MAD2L2: variants seen among roughly 807,000 people sequenced by gnomAD.
The protein encoded by MAD2L2 is mitotic spindle assembly checkpoint protein MAD2B.
Under a neutral mutation model 30.5 loss-of-function variants are expected in MAD2L2, and 17 were observed. The ratio of observed to expected loss-of-function variants is 0.56; its 90% confidence interval spans 0.38 to 0.84. The LOEUF (loss-of-function observed/expected upper bound fraction) is 0.84. MAD2L2 is among the 40% of genes least tolerant of loss of function. The pLI is 0.00. For synonymous variants in MAD2L2, 101 were observed against 113.9 expected, an observed-to-expected ratio of 0.89 and a Z score of 0.72; for missense variants, 213 against 277.4, an observed-to-expected ratio of 0.77 and a Z score of 1.65.
chr1:11,674,821 C>T lies in MAD2L2; in HGVS notation c.595-5G>A, dbSNP rs373556198. ...CTCTTCCACGTAAAGCTGCATCTGA[C>T]GGACACAAGCAAACAGCCACAGTCA... On this transcript the variant is annotated splice_polypyrimidine_tract_variant and splice_region_variant and intron_variant, in intron 8 of 8. Coordinates refer to ENST00000376692, the MANE Select transcript of MAD2L2 (RefSeq NM_006341.4). The surrounding 1 kb of genome is among the most constrained non-coding windows in gnomAD (Gnocchi z 6.1). 8 of 1,613,540 alleles carry T rather than the reference C, an allele frequency of 5.0e-6. No individual in the cohort carries two copies. The highest frequency in any genetic ancestry group is 2.7e-5 in the African/African-American group (2 of 74,930).
At position 11,675,933 on chromosome 1, in the gene MAD2L2, C is replaced by T. The variant is rs537477828; in HGVS notation, c.427+113G>A. 3.1e-6 allele frequency: 3 copies of T among 981,070 alleles called. No homozygotes were observed. In the South Asian group the frequency reaches 3.9e-5, roughly 13 times the overall value. 60.8% of individuals were successfully genotyped at this position (981,070 alleles called of 1,614,324 possible). Reference sequence around the variant, plus strand: ...AAGCTTCCCAGAGGAGGTGGACTCTCAGGGTTAGGAAGAGATGAGTCTCAG... The same window carrying T: ...AAGCTTCCCAGAGGAGGTGGACTCTTAGGGTTAGGAAGAGATGAGTCTCAG... On this transcript the variant is annotated intron_variant, in intron 6 of 8. Coordinates refer to ENST00000376692, the MANE Select transcript of MAD2L2 (RefSeq NM_006341.4).
At chr1:11,679,995 T>G (rs1167826540) in intron 3 of MAD2L2, among the ~76,000 whole-genome samples, 3 of 90,256 alleles carry the variant, frequency 3.3e-5, no homozygotes, top group South Asian at 3.5e-4. Context: ...GTTTTTTTTT[T>G]TTTTTTTTTT....
chr1:11,682,621 T>C (rs909952982), upstream of MAD2L2, among the ~76,000 whole-genome samples: 3 of 152,100 alleles, frequency 2.0e-5, no homozygotes, highest in African/African-American at 7.2e-5. Context: ...ACAGCTGCCC[T>C]GCTGCCTAGA....
At chr1:11,677,471 G>T in intron 4 of MAD2L2, 72 bp downstream of exon 4, 1 of 1,425,344 alleles carries the variant, frequency 7.0e-7, no homozygotes, top group Non-Finnish European at 9.9e-7. Context: ...CCATCCCAGA[G>T]TTGGACTGTG....
chr1:11,691,191 C>T (rs1432944727), intron 1 of MAD2L2, among the ~76,000 whole-genome samples: 1 of 151,614 alleles, frequency 6.6e-6, no homozygotes, highest in Non-Finnish European at 1.5e-5. Flanking sequence ...TCCCTTTTGA[C>T]AGTCTAGGCG....
At chr1:11,675,965 C>T (rs1232034412) in intron 6 of MAD2L2, 81 bp downstream of exon 6, 4 of 1,233,086 alleles carry the variant, frequency 3.2e-6, no homozygotes, top group Admixed American at 3.4e-5. Context: ...TCAGAACAGC[C>T]AAACATGGAC....
upstream of MAD2L2, among the ~76,000 whole-genome samples, chr1:11,683,909 T>G (rs1376625593): frequency 6.6e-6 from 1 of 152,074 alleles, no homozygotes; most frequent in Non-Finnish European, 1.5e-5. Flanking sequence ...AGGCGGAGGT[T>G]GTGGTGAGCC....
chr1:11,675,606 C>A (rs777411450), intron 7 of MAD2L2, 52 bp downstream of exon 7: 5 of 1,568,644 alleles, frequency 3.2e-6, no homozygotes, highest in Non-Finnish European at 4.4e-6. Flanking sequence ...CCTGGAACTG[C>A]GACATCACGT....
chr1:11,689,723 GTCAT>G (rs1296538713), intron 1 of MAD2L2, among the ~76,000 whole-genome samples: 1 of 152,182 alleles, frequency 6.6e-6, no homozygotes, highest in Non-Finnish European at 1.5e-5. Flanking sequence ...CTATGGAGTA[GTCAT>G]TCTTTTTATT....
chr1:11,674,664 A>C lies in MAD2L2; in HGVS notation c.*111T>G. ...CCCCGGGCTGGGGCGGGCGATCCAC[A>C]CACAGAGGCGATAAGAGCACTTGGA... On this transcript the variant is annotated 3_prime_UTR_variant, in exon 9 of 9. Coordinates refer to ENST00000376692, the MANE Select transcript of MAD2L2 (RefSeq NM_006341.4). This position sits in a 1 kb window ranked among gnomAD's most constrained non-coding sequence, Gnocchi z 6.1. 2 of 1,192,548 alleles carry C rather than the reference A, an allele frequency of 1.7e-6. No individual in the cohort carries two copies. Among genetic ancestry groups the C allele is most frequent in the South Asian group, 1.3e-5 (1 of 76,332 alleles). The allele number at this position is 1,192,548 out of a possible 1,614,324, so 73.9% of individuals were successfully genotyped here. A position where few individuals can be genotyped will look rare whatever the true frequency, so the allele number is the denominator to read the frequency against.
Position 11,676,921 on chromosome 1 carries a change from T to C in MAD2L2, c.259A>G (p.Ile87Val). ...KNDVEKVVVV[I>V]LDKEHRPVEK... is the part of the protein sequence containing the mutation. The stretch of plus-strand genomic sequence containing the variant: ...ACTGGGCGGTGCTCTTTATCCAAAA[T>C]CACCACCACCACTTTCTCCACATCA... The change falls in exon 5 of 9, where the codon ATT becomes GTT. Residue 87 changes from isoleucine to valine, a missense_variant. By Grantham distance (29) the Ile-to-Val change is conservative. Transcript: ENST00000376692. 6.2e-7 allele frequency: 1 copy of C among 1,613,936 alleles called. No homozygotes were observed. The highest frequency in any genetic ancestry group is 8.5e-7 in the Non-Finnish European group (1 of 1,179,948).
upstream of MAD2L2, among the ~76,000 whole-genome samples, chr1:11,685,042 C>T (rs1459750707): frequency 1.3e-5 from 2 of 151,994 alleles, no homozygotes; most frequent in African/African-American, 2.4e-5. Flanking sequence ...ATCCTCCTAC[C>T]TCAGCCTCTT....
chr1:11,687,428 T>C lies in MAD2L2; in HGVS notation c.-692+3985A>G, dbSNP rs971881249. 2.0e-5 allele frequency among the ~76,000 whole-genome samples: 3 copies of C among 152,128 alleles called. No individual in the cohort carries two copies. Among genetic ancestry groups the C allele is most frequent in the Admixed American group, 1.3e-4 (2 of 15,262 alleles). ...CTAATTTTTAAATTTTTAGTAGACA[T>C]GAGGTTTTGCCATATTGGCCAGGCT... On this transcript the variant is annotated intron_variant, in intron 1 of 10. Coordinates refer to the MAD2L2 transcript ENST00000235310. The surrounding 1 kb of genome is among the most constrained non-coding windows in gnomAD (Gnocchi z 4.1).
chr1:11,682,678 C>G (rs1303479331), upstream of MAD2L2, among the ~76,000 whole-genome samples: 7 of 152,182 alleles, frequency 4.6e-5, no homozygotes, highest in African/African-American at 1.4e-4. Context: ...GGCCCTTTAA[C>G]AAGCTCCCCA....
At chr1:11,686,591 C>T (rs746102220) in intron 1 of MAD2L2, among the ~76,000 whole-genome samples, 7 of 152,098 alleles carry the variant, frequency 4.6e-5, no homozygotes, top group Non-Finnish European at 7.4e-5. Context: ...TTAGTACAGA[C>T]GGGGTTTCGC....
chr1:11,680,265 G>A (rs1156329993), intron 3 of MAD2L2, 88 bp downstream of exon 3: 10 of 1,095,640 alleles, frequency 9.1e-6, no homozygotes, highest in Non-Finnish European at 1.3e-5. Context: ...CAAAGTGCTA[G>A]GATTACAGGC....
At position 11,690,929 on chromosome 1, in the gene MAD2L2, A is replaced by C. The variant is rs1557683864; in HGVS notation, c.-692+484T>G. 6.6e-6 allele frequency among the ~76,000 whole-genome samples: 1 copy of C among 150,552 alleles called. No individual in the cohort carries two copies. Among genetic ancestry groups the C allele is most frequent in the Non-Finnish European group, 1.5e-5 (1 of 67,556 alleles). On this transcript the variant is annotated intron_variant, in intron 1 of 10. Coordinates refer to the MAD2L2 transcript ENST00000235310. The surrounding 1 kb of genome is among the most constrained non-coding windows in gnomAD (Gnocchi z 4.2). ...CGTGGCGAGAGCCGCGCCGCGTGTG[A>C]GTGTGTGTGTGTGTGTGTTTGTGTG... is the stretch of plus-strand genomic sequence containing the variant.
Position 11,687,012 on chromosome 1 carries a change from G to A in MAD2L2, c.-692+4401C>T, listed in dbSNP as rs1046238781. ...CCAAAGTGTGTTGCCAGGTACATCA[G>A]TTCCAAAACTACTAATCTACTTTCT... is the stretch of plus-strand genomic sequence containing the variant. On this transcript the variant is annotated intron_variant, in intron 1 of 10. Coordinates refer to the MAD2L2 transcript ENST00000235310. The surrounding 1 kb of genome is among the most constrained non-coding windows in gnomAD (Gnocchi z 4.1). 6.6e-6 allele frequency among the ~76,000 whole-genome samples: 1 copy of A among 152,080 alleles called. No homozygotes were observed. Among genetic ancestry groups the A allele is most frequent in the Non-Finnish European group, 1.5e-5 (1 of 68,026 alleles).
intron 1 of MAD2L2, chr1:11,691,321 GC>G (rs933498737): frequency 1.3e-5 from 2 of 152,050 alleles, no homozygotes; most frequent in Admixed American, 1.3e-4. Flanking sequence ...TTTGTCGCCC[GC>G]CCTGCGCGGG....
Sources: allele counts gnomAD v4.1 joint callset (sites outside exome capture counted in the v4.1 genomes callset), GRCh38; gene constraint gnomAD v4.1.1; non-coding constraint Gnocchi (gnomAD v3.1); transcripts MANE v1.5; gene names NCBI Gene and HGNC (gene_info 2026-07-23, HGNC 2026-07-21).